NAA38: variants seen among roughly 807,000 people sequenced by gnomAD.
The protein encoded by NAA38 is N-alpha-acetyltransferase 38, NatC auxiliary subunit, also known as LSM domain containing 1.
Under a neutral mutation model 12.6 loss-of-function variants are expected in NAA38, and 15 were observed. That is an observed-to-expected ratio of 1.19 (90% CI 0.79 to 1.83). The LOEUF is 1.83. Ranked by LOEUF, NAA38 falls within the 40% of genes most tolerant of loss-of-function variation. The pLI is 0.00. For missense variants in NAA38, 183 were observed against 171.7 expected (o/e 1.07, Z -0.37); for synonymous variants, 88 against 69.9 (o/e 1.26, Z -1.29).
upstream of NAA38, chr17:7,858,409 T>A: frequency 6.2e-7 from 1 of 1,614,140 alleles, no homozygotes. Flanking sequence ...CAAGGGAACC[T>A]GCTGCTGAAA....
intron 2 of NAA38, among the ~76,000 whole-genome samples, chr17:7,876,613 C>T (rs193104174): frequency 6.6e-6 from 1 of 152,082 alleles, no homozygotes; most frequent in African/African-American, 2.4e-5. Context: ...TTGCTTCCCC[C>T]CTCCCAACCA....
rs778213185 is a variant in NAA38, at chr17:7,856,769, C to T, written c.340G>A (p.Val114Met). 4.3e-6 allele frequency: 7 copies of T among 1,614,044 alleles called. No homozygotes were observed. In the South Asian group the frequency reaches 6.6e-5, roughly 15 times the overall value. The change falls in exon 3 of 3, where the codon GTG becomes ATG. Residue 114 changes from valine (V) to methionine (M), a missense_variant. By Grantham distance (21) the Val-to-Met change is conservative. Coordinates refer to ENST00000575771, the MANE Select transcript of NAA38 (RefSeq NM_001320925.4). Reference protein sequence around the residue: ...VPGHHIVSIEVQRESLTGPPY... With the variant: ...VPGHHIVSIEMQRESLTGPPY... The stretch of plus-strand genomic sequence containing the variant: ...GGCCCGGTCAGACTCTCCCTCTGCA[C>T]CTCAATGGAAACGATGTGGTGTCCG...
At chr17:7,866,400 GC>G in intron 3 of NAA38, 1 of 1,077,954 alleles carries the variant, frequency 9.3e-7, no homozygotes, top group East Asian at 3.2e-5. Flanking sequence ...GAGCCATTGC[GC>G]CCGGCCGCCA....
intron 2 of NAA38, among the ~76,000 whole-genome samples, chr17:7,868,021 G>A (rs996345790): frequency 6.6e-6 from 1 of 152,180 alleles, no homozygotes; most frequent in Non-Finnish European, 1.5e-5. Flanking sequence ...AACTCGGGCA[G>A]GCAGGCACAT....
intron 1 of NAA38, among the ~76,000 whole-genome samples, chr17:7,884,134 C>T (rs981571975): frequency 2.0e-5 from 3 of 150,960 alleles, no homozygotes; most frequent in Non-Finnish European, 2.9e-5. Context: ...AATCTGTGCA[C>T]TAATCAGTTA....
intron 2 of NAA38, among the ~76,000 whole-genome samples, chr17:7,873,469 G>C (rs952125076): frequency 6.6e-6 from 1 of 152,152 alleles, no homozygotes; most frequent in African/African-American, 2.4e-5. Flanking sequence ...AGACACTGAG[G>C]GCAGTTAATG....
upstream of NAA38, chr17:7,857,961 G>C (rs890286828): frequency 3.4e-6 from 5 of 1,463,384 alleles, no homozygotes; most frequent in South Asian, 2.7e-5. Flanking sequence ...TCCAAACCCC[G>C]CCCCTGATAT....
chr17:7,858,313 G>A, upstream of NAA38: 4 of 1,613,898 alleles, frequency 2.5e-6, no homozygotes, highest in Non-Finnish European at 3.4e-6. Flanking sequence ...CACACGTTGG[G>A]CCGGGGCCGG....
chr17:7,884,011 AG>A (rs1019415955), intron 1 of NAA38, among the ~76,000 whole-genome samples: 3 of 151,732 alleles, frequency 2.0e-5, no homozygotes, highest in Non-Finnish European at 2.9e-5. Context: ...ATTTTTTATA[AG>A]GGGGGAGTTA....
intron 2 of NAA38, among the ~76,000 whole-genome samples, chr17:7,879,408 C>T (rs1437587073): frequency 1.3e-5 from 2 of 151,972 alleles, no homozygotes; most frequent in East Asian, 1.9e-4. Flanking sequence ...TCAGGGTATT[C>T]GTAACACCGT....
chr17:7,877,277 C>T (rs1967190922), intron 2 of NAA38, among the ~76,000 whole-genome samples: 1 of 152,074 alleles, frequency 6.6e-6, no homozygotes, highest in Non-Finnish European at 1.5e-5. Context: ...TTGGTATGTA[C>T]ACTTCCAGCA....
Position 7,868,737 on chromosome 17 carries a change from C to A in NAA38, c.-65-2179G>T, listed in dbSNP as rs573802916. On this transcript the variant is annotated intron_variant, in intron 2 of 4. Coordinates refer to the NAA38 transcript ENST00000576861. Reference sequence around the variant, plus strand: ...GCCATTCTTTATTTAGTAATGAATCCTCCCCTCAGGATTTTGAGATTTGGC... The same window carrying A: ...GCCATTCTTTATTTAGTAATGAATCATCCCCTCAGGATTTTGAGATTTGGC... Among the ~76,000 whole-genome samples, 3 of 152,252 alleles carry A rather than the reference C, an allele frequency of 2.0e-5. No individual in the cohort carries two copies. The East Asian group carries it at 5.8e-4, about 29-fold the overall frequency.
At chr17:7,878,194 TAAGTTA>T (rs1967208388) in intron 2 of NAA38, among the ~76,000 whole-genome samples, 1 of 152,106 alleles carries the variant, frequency 6.6e-6, no homozygotes, top group Non-Finnish European at 1.5e-5. Context: ...AACATTCATT[TAAGTTA>T]AAGAAAGGTG....
intron 1 of NAA38, 63 bp from the exon 2 acceptor site, chr17:7,857,261 G>T (rs759175259): frequency 6.2e-7 from 1 of 1,609,892 alleles, no homozygotes; most frequent in Non-Finnish European, 8.5e-7. Context: ...CGGAACCACA[G>T]CTCCCGGCAG....
chr17:7,881,934 A>G (rs1245204171), intron 2 of NAA38, among the ~76,000 whole-genome samples: 1 of 147,928 alleles, frequency 6.8e-6, no homozygotes, highest in African/African-American at 2.4e-5. Context: ...GTCAGGGAGG[A>G]GCAGACAGGC....
intron 2 of NAA38, among the ~76,000 whole-genome samples, chr17:7,874,096 G>A (rs1967133123): frequency 6.6e-6 from 1 of 152,178 alleles, no homozygotes; most frequent in Non-Finnish European, 1.5e-5. Context: ...ACAGTGGCAG[G>A]AGCATGGTTA....
At chr17:7,867,004 TATC>T (rs765592211) in intron 2 of NAA38, among the ~76,000 whole-genome samples, 2 of 152,132 alleles carry the variant, frequency 1.3e-5, no homozygotes, top group Non-Finnish European at 1.5e-5. Flanking sequence ...TCTGGGGAAG[TATC>T]ATCTCAAGCT....
upstream of NAA38, chr17:7,862,509 A>C (rs1028104047): frequency 9.2e-5 from 14 of 152,174 alleles, no homozygotes; most frequent in African/African-American, 3.1e-4. Flanking sequence ...AGGCCGAGGC[A>C]TGGGGATCAC....
intron 2 of NAA38, among the ~76,000 whole-genome samples, chr17:7,876,586 A>G (rs1033308832): frequency 3.9e-5 from 6 of 152,150 alleles, no homozygotes; most frequent in African/African-American, 1.2e-4. Flanking sequence ...ATGCAACTAC[A>G]TATGAAAGTT....
Sources: gnomAD v4.1 joint callset for allele counts (sites outside exome capture counted in the v4.1 genomes callset) on GRCh38, gnomAD v4.1.1 for gene constraint, MANE v1.5 for transcripts, NCBI Gene and HGNC (gene_info 2026-07-23, HGNC 2026-07-21) for gene names.